HECTD4: variants seen among roughly 807,000 people sequenced by gnomAD.
HECTD4 encodes the protein probable E3 ubiquitin-protein ligase HECTD4.
HECTD4 carries 114 observed loss-of-function variants against 471.5 expected under a neutral mutation model. The observed-to-expected ratio is 0.24, with a 90% CI of 0.21 to 0.28. The LOEUF (loss-of-function observed/expected upper bound fraction) is 0.28, where lower values mean the gene tolerates loss of function less well. HECTD4 is among the 10% of genes least tolerant of loss of function. HECTD4 has a pLI of 1.00. For missense variants in HECTD4, 3,866 were observed against 5,651.5 expected (o/e 0.68, Z 10.13); for synonymous variants, 2,012 against 2,256.0 (o/e 0.89, Z 3.07).
chr12:112,181,902 G>A (rs1450980147), intron 62 of HECTD4, among the ~76,000 whole-genome samples: 3 of 152,172 alleles, frequency 2.0e-5, no homozygotes, highest in Non-Finnish European at 2.9e-5. Flanking sequence ...GACCAGCCTG[G>A]CCAACATGGT....
intron 1 of HECTD4, among the ~76,000 whole-genome samples, chr12:112,376,070 C>T (rs1283608427): frequency 2.0e-5 from 3 of 151,948 alleles, no homozygotes; most frequent in East Asian, 1.9e-4. Context: ...AGCAGGACTC[C>T]TGTCTAAAAA....
Position 112,279,216 on chromosome 12 carries a change from A to G in HECTD4, c.1687+12T>C, listed in dbSNP as rs753192145. The G allele has an allele frequency of 1.2e-6, 2 of 1,600,250 alleles. No individual in the cohort carries two copies. The highest frequency in any genetic ancestry group is 2.3e-5 in the South Asian group (2 of 87,452). ...TAAATCGAGGAAAGTGCCACAAGTA[A>G]AATTCACTTACTTTTTAAAGATGAC... On this transcript the variant is annotated intron_variant, in intron 9 of 75. Coordinates refer to ENST00000682272, the MANE Select transcript of HECTD4 (RefSeq NM_001388303.1).
chr12:112,252,547 G>T lies in HECTD4; in HGVS notation c.3448-19C>A. 1 of 1,600,574 alleles carries T rather than the reference G, an allele frequency of 6.2e-7. No individual in the cohort carries two copies. The highest frequency in any genetic ancestry group is 8.5e-7 in the Non-Finnish European group (1 of 1,175,376). On this transcript the variant is annotated intron_variant, in intron 22 of 75. Coordinates refer to ENST00000682272, the MANE Select transcript of HECTD4 (RefSeq NM_001388303.1). ...CTTCCACCTTAAAATTTAAGGAAGG[G>T]GGGGAAATGCACTTTAAAAACAAGA...
intron 1 of HECTD4, among the ~76,000 whole-genome samples, chr12:112,370,372 G>T (rs1391608344): frequency 1.3e-5 from 2 of 152,200 alleles, no homozygotes; most frequent in African/African-American, 2.4e-5. Flanking sequence ...CACGAAATTT[G>T]TGATAATCTG....
intron 61 of HECTD4, 26 bp from the exon 62 acceptor site, chr12:112,183,292 G>A: frequency 6.4e-7 from 1 of 1,569,284 alleles, no homozygotes; most frequent in East Asian, 2.2e-5. Flanking sequence ...ACAGGGTCAG[G>A]ATTTGAGTAG....
intron 72 of HECTD4, 41 bp downstream of exon 72, chr12:112,167,276 C>T: frequency 6.5e-7 from 1 of 1,544,014 alleles, no homozygotes; most frequent in Non-Finnish European, 8.8e-7. Flanking sequence ...GCGGGGAGGC[C>T]CCGGGTTCTG....
intron 53 of HECTD4, 94 bp downstream of exon 53, chr12:112,204,392 T>G: frequency 8.1e-7 from 1 of 1,235,230 alleles, no homozygotes; most frequent in Non-Finnish European, 1.2e-6. Context: ...AGAGTCACCC[T>G]AGGAGAACCA....
intron 1 of HECTD4, among the ~76,000 whole-genome samples, chr12:112,373,955 G>A (rs1208759932): frequency 6.7e-6 from 1 of 148,876 alleles, no homozygotes; most frequent in Non-Finnish European, 1.5e-5. Flanking sequence ...AGTGAGCTGC[G>A]ATCGTGCTAT....
At chr12:112,187,692 T>A in intron 60 of HECTD4, among the ~76,000 whole-genome samples, 1 of 141,404 alleles carries the variant, frequency 7.1e-6, no homozygotes, top group Non-Finnish European at 1.5e-5. Context: ...CGTGGTGCCA[T>A]CTCGGCTCAC....
Position 112,167,515 on chromosome 12 carries a change from G to T in HECTD4, c.12336C>A (p.Ser4112Arg), listed in dbSNP as rs758016893. 1 of 1,603,042 alleles carries T rather than the reference G, an allele frequency of 6.2e-7. No homozygotes were observed. Among genetic ancestry groups the T allele is most frequent in the South Asian group, 1.1e-5 (1 of 89,900 alleles). The change falls in exon 72 of 76, where the codon AGC (serine) becomes AGA (arginine). Residue 4112 changes from serine (S) to arginine (R), a missense_variant. Around this residue, in one of 16 missense-constraint regions of HECTD4, gnomAD observed 715 missense variants for 1,087.6 expected, o/e 0.66. Coordinates refer to ENST00000682272, the MANE Select transcript of HECTD4 (RefSeq NM_001388303.1). ...KNKGKYILTP[S>R]PITYGEEQLL... Reference sequence around the variant, plus strand: ...GCTGCTCCTCCCCGTAGGTGATGGGGCTCGGGGTCAGGATATACTTGCCCT... The same window carrying T: ...GCTGCTCCTCCCCGTAGGTGATGGGTCTCGGGGTCAGGATATACTTGCCCT...
chr12:112,368,789 TC>T (rs2135758451), intron 1 of HECTD4, among the ~76,000 whole-genome samples: 1 of 152,266 alleles, frequency 6.6e-6, no homozygotes, highest in Non-Finnish European at 1.5e-5. Context: ...TTCAACAACA[TC>T]CCTGTATTAT....
chr12:112,336,159 CAAAT>C (rs1479461556), intron 1 of HECTD4, among the ~76,000 whole-genome samples: 2 of 152,140 alleles, frequency 1.3e-5, no homozygotes, highest in Non-Finnish European at 2.9e-5. Flanking sequence ...GAAAACAAGA[CAAAT>C]AACCAATTTT....
intron 64 of HECTD4, among the ~76,000 whole-genome samples, chr12:112,178,429 C>T (rs565465211): frequency 2.0e-5 from 3 of 152,344 alleles, no homozygotes; most frequent in Non-Finnish European, 2.9e-5. Context: ...TTAGATGGGT[C>T]GGCTTTCCAG....
chr12:112,319,781 T>C lies in HECTD4; in HGVS notation c.178-39A>G. The C allele has an allele frequency of 3.2e-6, 4 of 1,231,036 alleles. No homozygotes were observed. Among genetic ancestry groups the C allele is most frequent in the Non-Finnish European group, 2.0e-6 (2 of 983,750 alleles). 76.3% of individuals were successfully genotyped at this position (1,231,036 alleles called of 1,614,324 possible). ...CGATGGAGAAGTGGGTAAATATTAC[T>C]TTCACCAAAGTCATCTAAGGAAGAA... On this transcript the variant is annotated intron_variant, in intron 1 of 75. Coordinates refer to ENST00000682272, the MANE Select transcript of HECTD4 (RefSeq NM_001388303.1). The surrounding 1 kb of genome is among the most constrained non-coding windows in gnomAD (Gnocchi z 5.3).
At chr12:112,280,838 C>A (rs907239045) in intron 8 of HECTD4, among the ~76,000 whole-genome samples, 2 of 143,530 alleles carry the variant, frequency 1.4e-5, no homozygotes, top group Admixed American at 1.4e-4. Context: ...GCCTGGGCTG[C>A]AGTACAATGG....
chr12:112,357,430 A>G (rs2135744173), intron 1 of HECTD4, among the ~76,000 whole-genome samples: 1 of 152,134 alleles, frequency 6.6e-6, no homozygotes, highest in East Asian at 1.9e-4. Flanking sequence ...GTGGGGGGCT[A>G]AGGTGGGAAG....
In HECTD4 at chr12:112,217,004, C is replaced by G. The variant is rs1056722640; in HGVS notation, c.7236+30G>C. 1.9e-6 allele frequency: 3 copies of G among 1,594,134 alleles called. No individual in the cohort carries two copies. The African/African-American group carries it at 4.0e-5, about 21-fold the overall frequency. ...GCTTTTTCTTTCAAATCTGAAGATG[C>G]AAAAGACAGTGTGTCATGTGATGTC... On this transcript the variant is annotated intron_variant, in intron 46 of 75. Transcript: ENST00000682272.
At chr12:112,190,297 G>C (rs544216065) in intron 60 of HECTD4, among the ~76,000 whole-genome samples, 1 of 152,122 alleles carries the variant, frequency 6.6e-6, no homozygotes, top group Non-Finnish European at 1.5e-5. Context: ...CACTTAAGGA[G>C]GCATATCATT....
chr12:112,263,351 T>C (rs1757550659), intron 17 of HECTD4, among the ~76,000 whole-genome samples: 1 of 152,218 alleles, frequency 6.6e-6, no homozygotes, highest in Non-Finnish European at 1.5e-5. Flanking sequence ...GATTTTTCAG[T>C]GTGTTTAACA....
Sources: gnomAD v4.1 joint callset for allele counts (sites outside exome capture counted in the v4.1 genomes callset) on GRCh38, gnomAD v4.1.1 for gene constraint, gnomAD v4.1.1 regional missense constraint, Gnocchi (gnomAD v3.1) non-coding constraint, MANE v1.5 for transcripts, NCBI Gene and HGNC (gene_info 2026-07-23, HGNC 2026-07-21) for gene names.